Variants in LAPTM4B observed in about 807,000 individuals in gnomAD.
LAPTM4B encodes the protein lysosomal-associated transmembrane protein 4B.
A neutral mutation model predicts 28.5 loss-of-function variants in LAPTM4B; 26 were observed. The observed-to-expected ratio is 0.91, with a 90% CI of 0.67 to 1.27. The LOEUF (loss-of-function observed/expected upper bound fraction) is 1.27. LAPTM4B is among the 50% of genes most tolerant of loss of function. The pLI, the probability that LAPTM4B is intolerant of heterozygous loss-of-function variation, is 0.00. For missense variants in LAPTM4B, 288 were observed against 285.8 expected (o/e 1.01, Z -0.06); for synonymous variants, 109 against 106.4 (o/e 1.02, Z -0.15).
Position 97,786,872 on chromosome 8 carries a change from G to T in LAPTM4B, c.99+10764G>T, listed in dbSNP as rs979782803. ...GCAAAACTGAAGGTGAGCCAGTTATGCTATAGATAAAGTTGCTATAACAAA... is the reference window on the plus strand; with the variant it reads ...GCAAAACTGAAGGTGAGCCAGTTATTCTATAGATAAAGTTGCTATAACAAA... On this transcript the variant is annotated intron_variant, in intron 1 of 6. Transcript: ENST00000521545. Among the ~76,000 whole-genome samples, 4 of 152,128 alleles carry T rather than the reference G, an allele frequency of 2.6e-5. No individual in the cohort carries two copies. In the South Asian group the frequency reaches 8.3e-4, roughly 31 times the overall value.
chr8:97,789,328 C>T (rs886204147), intron 1 of LAPTM4B, among the ~76,000 whole-genome samples: 46 of 151,292 alleles, frequency 3.0e-4, no homozygotes, highest in African/African-American at 1.1e-3. Flanking sequence ...CCCACCTTGG[C>T]CTCCCAAAGT....
chr8:97,786,433 G>A (rs966610031), intron 1 of LAPTM4B, among the ~76,000 whole-genome samples: 8 of 151,140 alleles, frequency 5.3e-5, no homozygotes, highest in Non-Finnish European at 1.2e-4. Flanking sequence ...GCCGGGTGTG[G>A]TGGCTCACGC....
At chr8:97,780,330 G>A (rs1816289268) in intron 1 of LAPTM4B, among the ~76,000 whole-genome samples, 1 of 151,826 alleles carries the variant, frequency 6.6e-6, no homozygotes, top group African/African-American at 2.4e-5. Context: ...GGGAAGCTGA[G>A]AGAAGAATCA....
At chr8:97,839,633 G>A (rs1217443187) in intron 6 of LAPTM4B, among the ~76,000 whole-genome samples, 1 of 152,202 alleles carries the variant, frequency 6.6e-6, no homozygotes, top group Non-Finnish European at 1.5e-5. Flanking sequence ...GCATCTGGGG[G>A]ATCTCAGAGT....
chr8:97,775,969 T>A lies in LAPTM4B; in HGVS notation c.-41T>A, dbSNP rs754727296. 2.0e-6 allele frequency: 3 copies of A among 1,528,084 alleles called. No individual in the cohort carries two copies. The East Asian group carries it at 8.0e-5, about 41-fold the overall frequency. 94.7% of individuals were successfully genotyped at this position (1,528,084 alleles called of 1,614,324 possible). A position where few individuals can be genotyped will look rare whatever the true frequency, so the allele number is the denominator to read the frequency against. ...CTCCAGGCGAGGCGGTCGACGCTCC[T>A]GAAAACTTGCGCGCGCGCTCGCGCC... On this transcript the variant is annotated 5_prime_UTR_variant, in exon 1 of 7. Coordinates refer to ENST00000521545, the MANE Select transcript of LAPTM4B (RefSeq NM_018407.6).
At chr8:97,810,638 G>A (rs1816812722) in intron 2 of LAPTM4B, among the ~76,000 whole-genome samples, 1 of 152,240 alleles carries the variant, frequency 6.6e-6, no homozygotes, top group South Asian at 2.1e-4. Flanking sequence ...CACACTCATA[G>A]CCCTGAGTAG....
chr8:97,839,959 A>G (rs1430987910), intron 6 of LAPTM4B, among the ~76,000 whole-genome samples: 4 of 152,208 alleles, frequency 2.6e-5, no homozygotes, highest in Non-Finnish European at 5.9e-5. Context: ...ATCCAAGGTC[A>G]TGAGCAGTCC....
At chr8:97,820,732 G>C (rs985421396) in intron 5 of LAPTM4B, among the ~76,000 whole-genome samples, 3 of 142,006 alleles carry the variant, frequency 2.1e-5, no homozygotes, top group Non-Finnish European at 3.2e-5. Flanking sequence ...ACCCCGTCTT[G>C]TTGTTGTTGT....
chr8:97,829,756 A>ACCTC (rs1170650118), intron 6 of LAPTM4B, among the ~76,000 whole-genome samples: 1 of 151,104 alleles, frequency 6.6e-6, no homozygotes, highest in Non-Finnish European at 1.5e-5. Context: ...CAGTGGCACA[A>ACCTC]CCTCGCTCAC....
intron 2 of LAPTM4B, among the ~76,000 whole-genome samples, chr8:97,808,762 C>T (rs931856004): frequency 1.3e-5 from 2 of 151,964 alleles, no homozygotes; most frequent in Non-Finnish European, 2.9e-5. Context: ...AGTTCAAGAC[C>T]AGCCTGGCCA....
At chr8:97,795,837 TAAAAAA>T (rs1190473113) in intron 1 of LAPTM4B, among the ~76,000 whole-genome samples, 101 of 114,132 alleles carry the variant, frequency 8.8e-4, no homozygotes, top group Admixed American at 4.1e-3. Flanking sequence ...ACTCTGTCTT[TAAAAAA>T]AAAAAAAAAA....
chr8:97,782,127 T>C (rs1256802169), intron 1 of LAPTM4B, among the ~76,000 whole-genome samples: 1 of 151,442 alleles, frequency 6.6e-6, no homozygotes, highest in Non-Finnish European at 1.5e-5. Context: ...ATTACAGGCA[T>C]GCGCCACCAC....
chr8:97,779,767 A>G (rs1563598291), intron 1 of LAPTM4B, among the ~76,000 whole-genome samples: 2 of 151,802 alleles, frequency 1.3e-5, no homozygotes, highest in African/African-American at 4.8e-5. Flanking sequence ...AAAAAAAAAA[A>G]AAAAGTTGGG....
At chr8:97,834,144 G>GGAAAAAAAAAAAAAAAAAAAAAAA (rs1554593011) in intron 6 of LAPTM4B, among the ~76,000 whole-genome samples, 2 of 75,342 alleles carry the variant, frequency 2.7e-5, no homozygotes, top group African/African-American at 8.4e-5. Context: ...TGTCTCTACA[G>GGAAAAAAAAAAAAAAAAAAAAAAA]AAAAAAAAAA....
chr8:97,815,662 G>C (rs1816900395), intron 3 of LAPTM4B, among the ~76,000 whole-genome samples: 1 of 152,084 alleles, frequency 6.6e-6, no homozygotes, highest in South Asian at 2.1e-4. Context: ...CGCCTCCCAA[G>C]TTCAAGTGAT....
intron 2 of LAPTM4B, among the ~76,000 whole-genome samples, chr8:97,813,372 T>C (rs1421408175): frequency 6.6e-6 from 1 of 152,256 alleles, no homozygotes; most frequent in Non-Finnish European, 1.5e-5. Context: ...ACTCAGCAAG[T>C]CTGCTCTTCA....
chr8:97,842,737 T>G (rs1213774771), intron 6 of LAPTM4B, among the ~76,000 whole-genome samples: 2 of 152,012 alleles, frequency 1.3e-5, no homozygotes, highest in African/African-American at 4.8e-5. Flanking sequence ...CAGGCTGGTT[T>G]CTAACTCCTG....
intron 6 of LAPTM4B, among the ~76,000 whole-genome samples, chr8:97,843,141 A>C (rs1057299907): frequency 6.6e-6 from 1 of 152,036 alleles, no homozygotes; most frequent in Non-Finnish European, 1.5e-5. Flanking sequence ...TCTGCCTCCC[A>C]AAGTGTTAGG....
At chr8:97,847,660 C>T (rs1179457142) in intron 6 of LAPTM4B, among the ~76,000 whole-genome samples, 1 of 152,194 alleles carries the variant, frequency 6.6e-6, no homozygotes, top group Non-Finnish European at 1.5e-5. Flanking sequence ...AGTGAATATA[C>T]TGCAGTAGAA....
Sources: gnomAD v4.1 joint callset for allele counts (sites outside exome capture counted in the v4.1 genomes callset) on GRCh38, gnomAD v4.1.1 for gene constraint, MANE v1.5 for transcripts, NCBI Gene and HGNC (gene_info 2026-07-23, HGNC 2026-07-21) for gene names.